DAZAP1: variants seen among roughly 807,000 people sequenced by gnomAD.
DAZAP1 encodes the protein DAZ-associated protein 1.
In DAZAP1, 6 loss-of-function variants were observed where a neutral mutation model predicts 60.1. That is an observed-to-expected ratio of 0.10 (90% CI 0.05 to 0.20). DAZAP1 has a LOEUF of 0.20. DAZAP1 is among the 10% of genes least tolerant of loss of function. The pLI is 1.00. For missense variants in DAZAP1, 366 were observed against 560.4 expected (o/e 0.65, Z 3.50); for synonymous variants, 235 against 215.9 (o/e 1.09, Z -0.78).
At position 1,432,304 on chromosome 19, in the gene DAZAP1, C is replaced by T. The variant is rs74348591; in HGVS notation, c.872-210C>T. 0.046 allele frequency: 27,160 copies of T among 592,078 alleles called. 770 individuals are homozygous for T. The highest frequency in any genetic ancestry group is 0.072 in the South Asian group (3,628 of 50,280). 36.7% of individuals were successfully genotyped at this position (592,078 alleles called of 1,614,324 possible). On this transcript the variant is annotated intron_variant, in intron 10 of 11. Coordinates refer to ENST00000233078, the MANE Select transcript of DAZAP1 (RefSeq NM_018959.4). The surrounding 1 kb of genome is among the most constrained non-coding windows in gnomAD (Gnocchi z 4.9). ...CCTGCTGCAGCTCAGCATCCCGCCA[C>T]GCTCCCAGGAGTGTGTGTTTCCTGG...
chr19:1,430,970 C>T (rs980316662), intron 10 of DAZAP1, among the ~76,000 whole-genome samples: 4 of 151,740 alleles, frequency 2.6e-5, no homozygotes, highest in Admixed American at 2.0e-4. Context: ...ATCCGCCTGC[C>T]TCGGCCTCCC....
At chr19:1,429,321 G>A (rs2083383324) in intron 8 of DAZAP1, among the ~76,000 whole-genome samples, 1 of 152,238 alleles carries the variant, frequency 6.6e-6, no homozygotes, top group South Asian at 2.1e-4. Flanking sequence ...TGAGAGGGCT[G>A]GCATTGCCAA....
At chr19:1,411,426 T>C (rs2082827697) in intron 1 of DAZAP1, among the ~76,000 whole-genome samples, 1 of 152,182 alleles carries the variant, frequency 6.6e-6, no homozygotes, top group Admixed American at 6.5e-5. Context: ...CATCTGTGCT[T>C]TTGGCCTGGT....
intron 8 of DAZAP1, 52 bp downstream of exon 8, chr19:1,429,047 C>A (rs966808734): frequency 6.6e-7 from 1 of 1,516,948 alleles, no homozygotes. Flanking sequence ...TCGGACTTGG[C>A]CCGCGCGCCC....
In DAZAP1 at chr19:1,425,729, G is replaced by A; in HGVS notation, c.464-149G>A. 1 of 645,356 alleles carries A rather than the reference G, an allele frequency of 1.5e-6. No individual in the cohort carries two copies. The highest frequency in any genetic ancestry group is 2.8e-6 in the Non-Finnish European group (1 of 354,614). The allele number at this position is 645,356 out of a possible 1,614,324, so 40.0% of individuals were successfully genotyped here. A position where few individuals can be genotyped will look rare whatever the true frequency, so the allele number is the denominator to read the frequency against. On this transcript the variant is annotated intron_variant, in intron 6 of 11. Transcript: ENST00000233078. This position sits in a 1 kb window ranked among gnomAD's most constrained non-coding sequence, Gnocchi z 5.4. ...AGTCGAGTGGTGGCTCCTGGGGAGG[G>A]AGGCAGCTGCCCCAGGGGCCCGCAG...
rs941616925 is a variant in DAZAP1 at position 1,425,836 on chromosome 19, A to C, written c.464-42A>C. ...ACTGTTCATCATCCTGTTTTGTGTCACAACACCCTGCTACCTTGATTCACT... is the reference window on the plus strand; with the variant it reads ...ACTGTTCATCATCCTGTTTTGTGTCCCAACACCCTGCTACCTTGATTCACT... On this transcript the variant is annotated intron_variant, in intron 6 of 11. Coordinates refer to ENST00000233078, the MANE Select transcript of DAZAP1 (RefSeq NM_018959.4). This position sits in a 1 kb window ranked among gnomAD's most constrained non-coding sequence, Gnocchi z 5.4. The C allele has an allele frequency of 7.3e-7, 1 of 1,364,204 alleles. No homozygotes were observed. Among genetic ancestry groups the C allele is most frequent in the Non-Finnish European group, 1.1e-6 (1 of 952,354 alleles). 84.5% of individuals were successfully genotyped at this position (1,364,204 alleles called of 1,614,324 possible).
In DAZAP1 at chr19:1,428,959, C is replaced by T. The variant is rs1257825790; in HGVS notation, c.664C>T (p.Pro222Ser). The change falls in exon 8 of 12, where the codon CCC becomes TCC. Residue 222 changes from proline to serine, a missense_variant. Transcript: ENST00000233078. This position sits in a 1 kb window ranked among gnomAD's most constrained non-coding sequence, Gnocchi z 4.0. ...PNAANGWAGQ[P>S]PPTWQQGYGP... ...CGCTGCCAATGGCTGGGCAGGCCAGCCCCCGCCCACGTGGCAGCAAGGATA... is the reference window on the plus strand; with the variant it reads ...CGCTGCCAATGGCTGGGCAGGCCAGTCCCCGCCCACGTGGCAGCAAGGATA... 4.4e-6 allele frequency: 7 copies of T among 1,607,358 alleles called. No individual in the cohort carries two copies. Among genetic ancestry groups the T allele is most frequent in the African/African-American group, 1.3e-5 (1 of 74,792 alleles).
At chr19:1,414,166 C>T (rs1447016402) in intron 1 of DAZAP1, among the ~76,000 whole-genome samples, 3 of 151,558 alleles carry the variant, frequency 2.0e-5, no homozygotes, top group African/African-American at 7.3e-5. Flanking sequence ...TACAGGTGCG[C>T]ACCACCGAGC....
Position 1,418,448 on chromosome 19 carries a change from G to A in DAZAP1, c.237+78G>A, listed in dbSNP as rs994759197. 9.6e-6 allele frequency: 15 copies of A among 1,555,062 alleles called. No homozygotes were observed. In the Admixed American group the frequency reaches 1.0e-4, roughly 11 times the overall value. ...TCTGCTTCATTTTTTCCTGGACTCT[G>A]ACCGATGTTTGCGTTAGAGTATGTT... is the stretch of plus-strand genomic sequence containing the variant. On this transcript the variant is annotated intron_variant, in intron 3 of 11. Transcript: ENST00000233078. This position sits in a 1 kb window ranked among gnomAD's most constrained non-coding sequence, Gnocchi z 5.7.
chr19:1,432,280 C>T lies in DAZAP1; in HGVS notation c.872-234C>T, dbSNP rs1231030134. The stretch of plus-strand genomic sequence containing the variant: ...CTGCTCCGTGAGGAACGAGGTGGCC[C>T]TGCTGCAGCTCAGCATCCCGCCACG... On this transcript the variant is annotated intron_variant, in intron 10 of 11. Coordinates refer to ENST00000233078, the MANE Select transcript of DAZAP1 (RefSeq NM_018959.4). The surrounding 1 kb of genome is among the most constrained non-coding windows in gnomAD (Gnocchi z 4.9). 3 of 560,538 alleles carry T rather than the reference C, an allele frequency of 5.4e-6. No individual in the cohort carries two copies. In the African/African-American group the frequency reaches 5.8e-5, roughly 11 times the overall value. The allele number at this position is 560,538 out of a possible 1,614,324, so 34.7% of individuals were successfully genotyped here.
intron 1 of DAZAP1, among the ~76,000 whole-genome samples, chr19:1,409,096 C>T (rs1423688353): frequency 6.6e-6 from 1 of 152,228 alleles, no homozygotes; most frequent in Non-Finnish European, 1.5e-5. Flanking sequence ...AGAGCACCTT[C>T]CGTTGGAGAA....
chr19:1,428,798 T>A lies in DAZAP1; in HGVS notation c.547-44T>A. On this transcript the variant is annotated intron_variant, in intron 7 of 11. Coordinates refer to ENST00000233078, the MANE Select transcript of DAZAP1 (RefSeq NM_018959.4). This position sits in a 1 kb window ranked among gnomAD's most constrained non-coding sequence, Gnocchi z 4.0. The stretch of plus-strand genomic sequence containing the variant: ...GGTGTGTCTAAAGGGAAGGGGGTGC[T>A]GGGACCCGCAGCCTCGCCCTAAACC... 1 of 1,610,744 alleles carries A rather than the reference T, an allele frequency of 6.2e-7. No homozygotes were observed. The highest frequency in any genetic ancestry group is 1.1e-5 in the South Asian group (1 of 90,878).
chr19:1,429,993 A>G lies in DAZAP1; in HGVS notation c.727A>G (p.Ile243Val). 6.4e-7 allele frequency: 1 copy of G among 1,572,768 alleles called. No homozygotes were observed. The highest frequency in any genetic ancestry group is 8.6e-7 in the Non-Finnish European group (1 of 1,158,080). ...AATGTGGGTGCCGGCAGGACAGGCG[A>G]TTGGTAAGTCCTTGTTTATAGAGCA... ...QGMWVPAGQA[I>V]GGYGPPPAGR... Residue 243 changes from isoleucine to valine, a missense_variant, in exon 9 of 12, where the codon ATT becomes GTT. By Grantham distance (29) the Ile-to-Val change is conservative. Around this residue, in one of 3 missense-constraint regions of DAZAP1, gnomAD observed 240 missense variants for 308.8 expected, o/e 0.78. Transcript: ENST00000233078.
intron 1 of DAZAP1, among the ~76,000 whole-genome samples, chr19:1,414,401 T>G (rs1431932074): frequency 6.6e-6 from 1 of 152,212 alleles, no homozygotes; most frequent in East Asian, 1.9e-4. Flanking sequence ...AGATATCTAT[T>G]GTTTCCCAAG....
intron 6 of DAZAP1, among the ~76,000 whole-genome samples, chr19:1,424,688 G>C (rs544050912): frequency 6.6e-6 from 1 of 151,952 alleles, no homozygotes; most frequent in Non-Finnish European, 1.5e-5. Flanking sequence ...CCCGTGCTGC[G>C]CTGTCCCCTG....
chr19:1,433,760 C>T lies in DAZAP1; in HGVS notation c.1049-977C>T. ...CCAGGCCTGGGTTCCTATTCTCCAG[C>T]CCCGCCGGGCTGCGGCCCACACTTT... On this transcript the variant is annotated intron_variant, in intron 11 of 11. Transcript: ENST00000233078. This position sits in a 1 kb window ranked among gnomAD's most constrained non-coding sequence, Gnocchi z 6.1. 1 of 1,613,916 alleles carries T rather than the reference C, an allele frequency of 6.2e-7. No homozygotes were observed. The highest frequency in any genetic ancestry group is 8.5e-7 in the Non-Finnish European group (1 of 1,179,882).
chr19:1,434,825 A>C lies in DAZAP1; in HGVS notation c.1137A>C (p.Pro379=), dbSNP rs1305065726. ...QPPSYGGPSV[P]GSGGPPAGGS... ...CTTCCTACGGGGGTCCCTCCGTGCCAGGGTCGGGGGGCCCCCCCGCCGGCG... is the reference window on the plus strand; with the variant it reads ...CTTCCTACGGGGGTCCCTCCGTGCCCGGGTCGGGGGGCCCCCCCGCCGGCG... The change falls in exon 12 of 12, where the codon CCA becomes CCC. Residue 379 remains proline (P), a synonymous_variant. Transcript: ENST00000233078. This position sits in a 1 kb window ranked among gnomAD's most constrained non-coding sequence, Gnocchi z 8.0. 6.2e-7 allele frequency: 1 copy of C among 1,602,662 alleles called. No homozygotes were observed. The highest frequency in any genetic ancestry group is 1.3e-5 in the African/African-American group (1 of 74,464).
intron 8 of DAZAP1, among the ~76,000 whole-genome samples, chr19:1,429,737 G>C (rs542641432): frequency 6.6e-6 from 1 of 152,234 alleles, no homozygotes; most frequent in Admixed American, 6.5e-5. Flanking sequence ...CACAGTGCCC[G>C]CCACCTGGCA....
In DAZAP1 at chr19:1,426,076, A is replaced by T; in HGVS notation, c.546+116A>T. 3 of 799,998 alleles carry T rather than the reference A, an allele frequency of 3.8e-6. No homozygotes were observed. Among genetic ancestry groups the T allele is most frequent in the Admixed American group, 1.8e-5 (1 of 56,700 alleles). The allele number at this position is 799,998 out of a possible 1,614,324, so 49.6% of individuals were successfully genotyped here. A position where few individuals can be genotyped will look rare whatever the true frequency, so the allele number is the denominator to read the frequency against. ...AAGGGTCGGGCGAGTTCGTCCTGTG[A>T]ACCTTTGCTGCGTGAGGTGGGCCTG... On this transcript the variant is annotated intron_variant, in intron 7 of 11. Transcript: ENST00000233078. The surrounding 1 kb of genome is among the most constrained non-coding windows in gnomAD (Gnocchi z 5.4).
Sources: allele counts gnomAD v4.1 joint callset (sites outside exome capture counted in the v4.1 genomes callset), GRCh38; gene constraint gnomAD v4.1.1; regional missense constraint gnomAD v4.1.1; non-coding constraint Gnocchi (gnomAD v3.1); transcripts MANE v1.5; gene names NCBI Gene and HGNC (gene_info 2026-07-23, HGNC 2026-07-21).